NPHP4: variants seen among roughly 807,000 people sequenced by gnomAD.
NPHP4 encodes the protein nephrocystin 4, also known as nephrocystin-4.
NPHP4 carries 151 observed loss-of-function variants against 155.8 expected under a neutral mutation model. That is an observed-to-expected ratio of 0.97 (90% confidence interval 0.85 to 1.11). The LOEUF is 1.11. Ranked by LOEUF, NPHP4 falls within the 50% of genes least tolerant of loss-of-function variation. The pLI is 0.00. For missense variants in NPHP4, 1,956 were observed against 1,925.7 expected (o/e 1.02, Z -0.29); for synonymous variants, 845 against 816.8 (o/e 1.03, Z -0.59).
At chr1:5,866,334 C>T (rs1371227291) in intron 26 of NPHP4, 39 bp downstream of exon 26, 2 of 1,368,052 alleles carry the variant, frequency 1.5e-6, no homozygotes, top group South Asian at 1.2e-5. Flanking sequence ...CTCCTCTCCT[C>T]CGCCACCGCC....
In NPHP4 at chr1:5,946,962, A is replaced by G; in HGVS notation, c.1119+142T>C. 4 of 900,920 alleles carry G rather than the reference A, an allele frequency of 4.4e-6. No individual in the cohort carries two copies. The Admixed American group carries it at 8.3e-5, about 19-fold the overall frequency. The allele number at this position is 900,920 out of a possible 1,614,324, so 55.8% of individuals were successfully genotyped here. On this transcript the variant is annotated intron_variant, in intron 9 of 29. Coordinates refer to ENST00000378156, the MANE Select transcript of NPHP4 (RefSeq NM_015102.5). ...TAACATTCCTTACAATCAGCTGATA[A>G]ATGTCAGTAAAGTGATTTTTACTTA... is the stretch of plus-strand genomic sequence containing the variant.
intron 10 of NPHP4, among the ~76,000 whole-genome samples, chr1:5,930,704 T>C (rs189193616): frequency 4.6e-5 from 7 of 152,374 alleles, no homozygotes; most frequent in Non-Finnish European, 1.0e-4. Context: ...TCTATCTTGA[T>C]GAATGTTCCA....
At chr1:5,880,407 G>A in intron 18 of NPHP4, 168 bp from the exon 19 acceptor site, 1 of 646,192 alleles carries the variant, frequency 1.5e-6, no homozygotes, top group South Asian at 2.0e-5. Context: ...AGAGACAGGT[G>A]GGAGCTCGTT....
chr1:5,914,257 C>CAAAAAAAAAAAAAAAAAAAA (rs575438284), intron 11 of NPHP4, among the ~76,000 whole-genome samples: 1 of 47,398 alleles, frequency 2.1e-5, no homozygotes, highest in African/African-American at 6.2e-5. Context: ...CTTATCTATA[C>CAAAAAAAAAAAAAAAAAAAA]AAAAAAAAAA....
At chr1:5,991,859 C>A (rs1656387325) in intron 1 of NPHP4, among the ~76,000 whole-genome samples, 2 of 144,830 alleles carry the variant, frequency 1.4e-5, no homozygotes, top group African/African-American at 5.1e-5. Context: ...GACTAGGGCG[C>A]GGGGAGCCAA....
At chr1:5,875,143 T>C (rs1311030521) in intron 20 of NPHP4, 43 bp from the exon 21 acceptor site, 1 of 1,469,306 alleles carries the variant, frequency 6.8e-7, no homozygotes, top group Non-Finnish European at 9.3e-7. Context: ...CCAGGCACAC[T>C]CTCCTCCACA....
At chr1:5,978,447 C>A in intron 2 of NPHP4, 34 bp from the exon 3 acceptor site, 1 of 1,583,970 alleles carries the variant, frequency 6.3e-7, no homozygotes, top group Non-Finnish European at 8.6e-7. Flanking sequence ...CCTCAAGAGT[C>A]TGAGCACCAT....
rs1469154562 is a variant in NPHP4, at chr1:5,865,248, G to C, written c.3670C>G (p.Gln1224Glu). 1.3e-6 allele frequency: 2 copies of C among 1,580,858 alleles called. No homozygotes were observed. The highest frequency in any genetic ancestry group is 1.7e-5 in the Admixed American group (1 of 58,268). ...GAGTGGAGGTAGACCTGCCACGTCT[G>C]TGTGGGTGTCGCCAGCCAGCGATCC... ...YSDRWLATPT[Q>E]TWQVYLHSLQ... is the part of the protein sequence containing the mutation. The change falls in exon 27 of 30, where the codon CAG (glutamine) becomes GAG (glutamate). Residue 1224 changes from glutamine (Q) to glutamate (E), a missense_variant. By Grantham distance (29) the Gln-to-Glu change is conservative. Coordinates refer to ENST00000378156, the MANE Select transcript of NPHP4 (RefSeq NM_015102.5).
intron 3 of NPHP4, among the ~76,000 whole-genome samples, chr1:5,969,746 C>A (rs913908398): frequency 6.6e-6 from 1 of 152,216 alleles, no homozygotes; most frequent in African/African-American, 2.4e-5. Flanking sequence ...TGACACTCAA[C>A]ACAGACAACT....
intron 1 of NPHP4, among the ~76,000 whole-genome samples, chr1:5,989,980 G>A (rs573405611): frequency 2.4e-4 from 37 of 152,342 alleles, no homozygotes; most frequent in Non-Finnish European, 3.4e-4. Flanking sequence ...TGGAGGCAGG[G>A]CAGTCCTAGT....
At chr1:5,981,389 CAT>C (rs1358814831) in intron 2 of NPHP4, among the ~76,000 whole-genome samples, 4 of 152,286 alleles carry the variant, frequency 2.6e-5, no homozygotes, top group Non-Finnish European at 4.4e-5. Context: ...CGGTTCCTAA[CAT>C]ATCGTGGTGC....
At chr1:5,885,027 C>G (rs947270648) in intron 18 of NPHP4, among the ~76,000 whole-genome samples, 1 of 133,222 alleles carries the variant, frequency 7.5e-6, no homozygotes, top group Non-Finnish European at 1.6e-5. Flanking sequence ...TACGCCGCAA[C>G]CAAGATCACT....
At chr1:5,986,448 C>G in intron 1 of NPHP4, 121 bp from the exon 2 acceptor site, 1 of 764,498 alleles carries the variant, frequency 1.3e-6, no homozygotes, top group East Asian at 2.8e-5. Flanking sequence ...AACCCACACT[C>G]TGCAAACCCC....
At chr1:5,956,058 CT>C (rs1335469883) in intron 6 of NPHP4, among the ~76,000 whole-genome samples, 589 of 33,152 alleles carry the variant, frequency 0.018, 5 homozygotes, top group African/African-American at 0.044. Flanking sequence ...TTTCAAAAAG[CT>C]GGGGGGGGGG....
chr1:5,973,974 A>T (rs1653057106), intron 3 of NPHP4, among the ~76,000 whole-genome samples: 1 of 152,230 alleles, frequency 6.6e-6, no homozygotes, highest in Non-Finnish European at 1.5e-5. Flanking sequence ...TCTGCCGAGC[A>T]ACAGCAAGAG....
intron 20 of NPHP4, 142 bp from the exon 21 acceptor site, chr1:5,875,242 A>G (rs1009747396): frequency 1.4e-6 from 1 of 722,676 alleles, no homozygotes; most frequent in African/African-American, 1.7e-5. Context: ...TTCCTTGACC[A>G]TGTGGTCTGG....
At chr1:5,891,128 G>T in intron 16 of NPHP4, 100 bp from the exon 17 acceptor site, 2 of 783,494 alleles carry the variant, frequency 2.6e-6, no homozygotes, top group Non-Finnish European at 1.9e-6. Context: ...ACTAATTTCT[G>T]CTTCTGTCAT....
intron 23 of NPHP4, among the ~76,000 whole-genome samples, chr1:5,872,913 C>T (rs933995982): frequency 2.0e-5 from 3 of 152,206 alleles, no homozygotes; most frequent in Non-Finnish European, 4.4e-5. Context: ...ACCACACACT[C>T]ACACACCAGG....
At chr1:5,888,386 G>A in intron 17 of NPHP4, 2 of 1,092,120 alleles carry the variant, frequency 1.8e-6, no homozygotes, top group Non-Finnish European at 2.2e-6. Context: ...GGGAGCAGAT[G>A]AGGTTCCGGA....
Sources: allele counts gnomAD v4.1 joint callset (sites outside exome capture counted in the v4.1 genomes callset), GRCh38; gene constraint gnomAD v4.1.1; transcripts MANE v1.5; gene names NCBI Gene and HGNC (gene_info 2026-07-23, HGNC 2026-07-21).